The following GLI3 variants were observed in gnomAD, a reference collection of about 807,000 sequenced individuals.
GLI3 encodes the protein GLI family zinc finger 3.
In GLI3, 20 loss-of-function variants were observed where a neutral mutation model predicts 100.8. The ratio of observed to expected loss-of-function variants is 0.20; its 90% CI spans 0.14 to 0.29. The LOEUF (loss-of-function observed/expected upper bound fraction) is 0.29. GLI3 is among the 10% of genes least tolerant of loss of function. GLI3 has a pLI of 1.00. For synonymous variants in GLI3, 938 were observed against 860.5 expected (o/e 1.09, Z -1.58); for missense variants, 2,040 against 2,128.5 (o/e 0.96, Z 0.82).
At chr7:42,018,559 C>T (rs936747864) in intron 10 of GLI3, among the ~76,000 whole-genome samples, 1 of 152,188 alleles carries the variant, frequency 6.6e-6, no homozygotes, top group South Asian at 2.1e-4. Flanking sequence ...TTTCTACAGA[C>T]ACATCAATTC....
chr7:42,221,720 AT>A (rs2128702157), intron 2 of GLI3, among the ~76,000 whole-genome samples: 1 of 152,364 alleles, frequency 6.6e-6, no homozygotes, highest in South Asian at 2.1e-4. Flanking sequence ...GAAATAATAA[AT>A]TTGCCTAAAT....
chr7:42,231,567 A>G (rs1562794998), intron 1 of GLI3, among the ~76,000 whole-genome samples: 1 of 152,202 alleles, frequency 6.6e-6, no homozygotes, highest in Non-Finnish European at 1.5e-5. Flanking sequence ...CAGTTCAAAC[A>G]GCAGACACTG....
intron 3 of GLI3, among the ~76,000 whole-genome samples, chr7:42,106,840 C>T (rs192010891): frequency 1.7e-3 from 252 of 152,236 alleles, no homozygotes; most frequent in African/African-American, 5.7e-3. Context: ...CCCAGCCCTG[C>T]CATGCCCATA....
chr7:42,076,699 TA>T, intron 4 of GLI3, 52 bp downstream of exon 4: 1 of 1,158,534 alleles, frequency 8.6e-7, no homozygotes, highest in Non-Finnish European at 1.3e-6. Flanking sequence ...CCTGAGATGG[TA>T]AAAGCCAGCA....
chr7:42,018,989 G>A (rs1243057881), intron 10 of GLI3, among the ~76,000 whole-genome samples: 1 of 152,074 alleles, frequency 6.6e-6, no homozygotes, highest in Non-Finnish European at 1.5e-5. Context: ...ATTGGGCTGG[G>A]GAATAAAACT....
Position 41,965,588 on chromosome 7 carries a change from CACTGAA to C in GLI3, c.3479_3484del (p.Ile1160_Trp1162delinsArg). Reference sequence around the variant, plus strand: ...GGCGCTTCCGGAGCTGACTTCGTTCCACTGAATGGGCAGGTCGGTTTTGCTGCCCTC... The same window carrying C: ...GGCGCTTCCGGAGCTGACTTCGTTCCTGGGCAGGTCGGTTTTGCTGCCCTC... On this transcript the variant is annotated inframe_deletion, in exon 15 of 15. Coordinates refer to ENST00000395925, the MANE Select transcript of GLI3 (RefSeq NM_000168.6). 6.2e-7 allele frequency: 1 copy of C among 1,605,978 alleles called. No individual in the cohort carries two copies. Among genetic ancestry groups the C allele is most frequent in the Non-Finnish European group, 8.5e-7 (1 of 1,173,496 alleles).
intron 12 of GLI3, among the ~76,000 whole-genome samples, chr7:41,975,405 AACTT>A (rs1787483139): frequency 6.6e-6 from 1 of 152,232 alleles, no homozygotes; most frequent in Non-Finnish European, 1.5e-5. Flanking sequence ...TTCCTGGACA[AACTT>A]AGTTTTGATG....
chr7:42,172,631 G>C lies in GLI3; in HGVS notation c.125-24163C>G, dbSNP rs750334905. On this transcript the variant is annotated intron_variant, in intron 2 of 14. Transcript: ENST00000395925. Reference sequence around the variant, plus strand: ...TTGTGCAGCAGCAGGGATGGACAGCGCGGATGCATCCAATCCTCCTGGTCC... The same window carrying C: ...TTGTGCAGCAGCAGGGATGGACAGCCCGGATGCATCCAATCCTCCTGGTCC... The C allele has an allele frequency of 1.1e-5, 8 of 702,896 alleles. No individual in the cohort carries two copies. The Admixed American group carries it at 1.2e-4, about 11-fold the overall frequency. The allele number at this position is 702,896 out of a possible 1,614,324, so 43.5% of individuals were successfully genotyped here.
chr7:42,023,659 C>T (rs896730093), intron 9 of GLI3, 51 bp from the exon 10 acceptor site: 1 of 1,548,176 alleles, frequency 6.5e-7, no homozygotes, highest in Non-Finnish European at 8.9e-7. Context: ...AAGAATCAGA[C>T]ACAACAGGAG....
At chr7:42,076,601 G>T in intron 4 of GLI3, 151 bp downstream of exon 4, 1 of 674,734 alleles carries the variant, frequency 1.5e-6, no homozygotes. Flanking sequence ...GTGAACCCAC[G>T]AACAGATAGG....
At chr7:42,123,658 A>G (rs1178239940) in intron 3 of GLI3, among the ~76,000 whole-genome samples, 1 of 152,202 alleles carries the variant, frequency 6.6e-6, no homozygotes, top group Non-Finnish European at 1.5e-5. Flanking sequence ...TAAATATTCA[A>G]TTTTATTTTT....
chr7:41,989,567 T>C (rs556655403), intron 10 of GLI3, among the ~76,000 whole-genome samples: 3 of 152,302 alleles, frequency 2.0e-5, no homozygotes, highest in African/African-American at 7.2e-5. Flanking sequence ...TACCATCCAT[T>C]GCAATTGCAT....
intron 3 of GLI3, chr7:42,113,286 C>T (rs1194017774): frequency 2.6e-5 from 15 of 568,320 alleles, no homozygotes; most frequent in Middle Eastern, 3.4e-4. Context: ...GAGGCGAGAA[C>T]GACCCCCGGA....
chr7:42,009,631 C>A (rs191751293), intron 10 of GLI3, among the ~76,000 whole-genome samples: 1 of 152,100 alleles, frequency 6.6e-6, no homozygotes, highest in Admixed American at 6.5e-5. Flanking sequence ...CAGCTGGGCA[C>A]GCATGCTTCC....
Position 42,000,117 on chromosome 7 carries a change from G to A in GLI3, c.1498-21369C>T, listed in dbSNP as rs558823059. Among the ~76,000 whole-genome samples the A allele has an allele frequency of 7.2e-5, 11 of 152,304 alleles. No homozygotes were observed. In the South Asian group the frequency reaches 1.0e-3, roughly 14 times the overall value. ...TGACCGTATTACACACAGGAAGCAC[G>A]GCGGGAACTTTCTATCTTAGAAGGG... On this transcript the variant is annotated intron_variant, in intron 10 of 14. Coordinates refer to ENST00000395925, the MANE Select transcript of GLI3 (RefSeq NM_000168.6).
At chr7:42,073,275 G>C (rs530879657) in intron 4 of GLI3, among the ~76,000 whole-genome samples, 3 of 152,104 alleles carry the variant, frequency 2.0e-5, no homozygotes, top group Non-Finnish European at 4.4e-5. Context: ...GGATAACACC[G>C]TAAGAATAAG....
At chr7:42,046,488 G>C (rs1238813878) in intron 5 of GLI3, among the ~76,000 whole-genome samples, 2 of 152,298 alleles carry the variant, frequency 1.3e-5, no homozygotes, top group East Asian at 3.9e-4. Flanking sequence ...AGGCCACAAG[G>C]GAAATATTTA....
chr7:42,040,014 T>C (rs368130012), intron 7 of GLI3, 24 bp downstream of exon 7: 537 of 1,563,832 alleles, frequency 3.4e-4, no homozygotes, highest in Non-Finnish European at 4.2e-4. Flanking sequence ...AAAAAACACA[T>C]AATGGATTCA....
chr7:42,153,433 T>C (rs914169124), intron 2 of GLI3, among the ~76,000 whole-genome samples: 3 of 152,126 alleles, frequency 2.0e-5, no homozygotes, highest in Non-Finnish European at 2.9e-5. Flanking sequence ...ATTCTAGGAC[T>C]CTAAATTTGG....
Sources: gnomAD v4.1 joint callset for allele counts (sites outside exome capture counted in the v4.1 genomes callset) on GRCh38, gnomAD v4.1.1 for gene constraint, MANE v1.5 for transcripts, NCBI Gene and HGNC (gene_info 2026-07-23, HGNC 2026-07-21) for gene names.